The following ARHGEF1 variants were observed in gnomAD, a reference collection of about 807,000 sequenced individuals.
The protein encoded by ARHGEF1 is Rho guanine nucleotide exchange factor 1, also known as 115 kDa guanine nucleotide exchange factor.
A neutral mutation model predicts 119.7 loss-of-function variants in ARHGEF1; 40 were observed. The ratio of observed to expected loss-of-function variants is 0.33; its 90% CI spans 0.26 to 0.44. The LOEUF is 0.44. ARHGEF1 is among the 20% of genes least tolerant of loss of function. The pLI, the probability that ARHGEF1 is intolerant of heterozygous loss-of-function variation, is 1.00. For synonymous variants in ARHGEF1, 494 were observed against 521.0 expected (o/e 0.95, Z 0.71); for missense variants, 976 against 1,268.3 (o/e 0.77, Z 3.50).
downstream of ARHGEF1, among the ~76,000 whole-genome samples, chr19:41,912,089 A>C (rs10417495): frequency 0.23 from 34,247 of 152,012 alleles, 11,011 homozygotes; most frequent in African/African-American, 0.71. Flanking sequence ...GCACAGTCGG[A>C]GAGCTGGCAG....
chr19:41,926,323 G>C (rs1328848485), intron 1 of ARHGEF1, among the ~76,000 whole-genome samples: 3 of 152,110 alleles, frequency 2.0e-5, no homozygotes, highest in Non-Finnish European at 4.4e-5. Context: ...GGCAGATGAA[G>C]GGAACAGGTA....
At chr19:41,921,259 G>C (rs2074840664), upstream of ARHGEF1, among the ~76,000 whole-genome samples, 1 of 152,142 alleles carries the variant, frequency 6.6e-6, no homozygotes, top group Admixed American at 6.5e-5. This position sits in a 1 kb window ranked among gnomAD's most constrained non-coding sequence, Gnocchi z 4.4. Flanking sequence ...GGGGTGGGGG[G>C]CACAGAGAAG....
rs1365913660 is a variant in ARHGEF1, at chr19:41,888,097, C to T, written c.15C>T (p.Ala5=). The T allele has an allele frequency of 3.1e-6, 5 of 1,613,632 alleles. No homozygotes were observed. The highest frequency in any genetic ancestry group is 3.4e-6 in the Non-Finnish European group (4 of 1,179,978). MEDF[A]RGAASPGPSR... Reference sequence around the variant, plus strand: ...AGCCCAGGGAGATGGAAGACTTCGCCCGAGGGGCGGTGAGTGGACAGAGCA... The same window carrying T: ...AGCCCAGGGAGATGGAAGACTTCGCTCGAGGGGCGGTGAGTGGACAGAGCA... Residue 5 remains alanine (A), a synonymous_variant, in exon 2 of 29, where the codon GCC becomes GCT. Transcript: ENST00000354532. This position sits in a 1 kb window ranked among gnomAD's most constrained non-coding sequence, Gnocchi z 5.1.
chr19:41,885,746 C>T (rs1309172114), intron 1 of ARHGEF1, among the ~76,000 whole-genome samples: 1 of 151,940 alleles, frequency 6.6e-6, no homozygotes, highest in East Asian at 1.9e-4. Flanking sequence ...AGGCGAGAGC[C>T]ACCGTGCCTA....
chr19:41,895,280 T>C (rs2074463964), intron 11 of ARHGEF1, 69 bp from the exon 12 acceptor site: 1 of 1,534,820 alleles, frequency 6.5e-7, no homozygotes, highest in Admixed American at 1.8e-5. Flanking sequence ...GCCTCTTGCA[T>C]CCCCTGGCGG....
Position 41,902,519 on chromosome 19 carries a change from G to A in ARHGEF1, c.1498-14G>A. The A allele has an allele frequency of 6.2e-7, 1 of 1,613,936 alleles. No individual in the cohort carries two copies. Among genetic ancestry groups the A allele is most frequent in the Non-Finnish European group, 8.5e-7 (1 of 1,180,030 alleles). On this transcript the variant is annotated splice_polypyrimidine_tract_variant and intron_variant, in intron 16 of 28. Coordinates refer to ENST00000354532, the MANE Select transcript of ARHGEF1 (RefSeq NM_004706.4). This position sits in a 1 kb window ranked among gnomAD's most constrained non-coding sequence, Gnocchi z 6.5. The stretch of plus-strand genomic sequence containing the variant: ...CCCCACTGAGACACCTGCCTGGCCT[G>A]AATCTCGCTGTAGTTTGATGGTGCT...
At chr19:41,908,693 T>C (rs1023182952), downstream of ARHGEF1, 1 of 1,223,388 alleles carries the variant, frequency 8.2e-7, no homozygotes, top group Admixed American at 4.2e-5. This position sits in a 1 kb window ranked among gnomAD's most constrained non-coding sequence, Gnocchi z 6.7. Flanking sequence ...GGCACAGGGG[T>C]AGGTCAGGCT....
Position 41,902,960 on chromosome 19 carries a change from C to A in ARHGEF1, c.1738+62C>A. On this transcript the variant is annotated intron_variant, in intron 18 of 28. Transcript: ENST00000354532. The surrounding 1 kb of genome is among the most constrained non-coding windows in gnomAD (Gnocchi z 6.5). Reference sequence around the variant, plus strand: ...TCTTTTTTTTTTACATTTTTTTTCTCACTCATTTTCATCAGTGATACCATC... The same window carrying A: ...TCTTTTTTTTTTACATTTTTTTTCTAACTCATTTTCATCAGTGATACCATC... 7.4e-7 allele frequency: 1 copy of A among 1,355,992 alleles called. No individual in the cohort carries two copies. The highest frequency in any genetic ancestry group is 1.0e-6 in the Non-Finnish European group (1 of 1,002,672). 84.0% of individuals were successfully genotyped at this position (1,355,992 alleles called of 1,614,324 possible). A position where few individuals can be genotyped will look rare whatever the true frequency, so the allele number is the denominator to read the frequency against.
chr19:41,907,359 G>T lies in ARHGEF1; in HGVS notation c.*272G>T, dbSNP rs539213583. 13 of 1,534,896 alleles carry T rather than the reference G, an allele frequency of 8.5e-6. No homozygotes were observed. Among genetic ancestry groups the T allele is most frequent in the Middle Eastern group, 1.7e-4 (1 of 5,966 alleles). ...CGGGCCATCTCAGTATTGCCTGTGG[G>T]GGCCACCCCTCCACCCCCACCCCCA... On this transcript the variant is annotated 3_prime_UTR_variant, in exon 29 of 29. Coordinates refer to ENST00000354532, the MANE Select transcript of ARHGEF1 (RefSeq NM_004706.4).
At chr19:41,898,677 G>GGT in intron 14 of ARHGEF1, 90 bp downstream of exon 14, 6 of 1,442,686 alleles carry the variant, frequency 4.2e-6, no homozygotes, top group Non-Finnish European at 5.5e-6. Context: ...TGTTCATCTT[G>GGT]GTGTCATTTA....
rs1294679693 is a variant in ARHGEF1 at position 41,913,292 on chromosome 19, C to G, written c.1865+6489C>G. 4.0e-5 allele frequency among the ~76,000 whole-genome samples: 6 copies of G among 151,302 alleles called. 1 individual carries two copies. The South Asian group carries it at 1.3e-3, about 32-fold the overall frequency. ...GCCCGCCCGCCCGCCGCTCGCGCCC[C>G]GCACCGTCTCTGCTGCCGTCTCCCG... On this transcript the variant is annotated intron_variant, in intron 18 of 20. Transcript: ENST00000599589.
At chr19:41,884,387 C>G (rs2074261403) in intron 1 of ARHGEF1, 3 of 1,575,502 alleles carry the variant, frequency 1.9e-6, no homozygotes, top group East Asian at 2.3e-5. Context: ...AAGGTGGACT[C>G]AGGGCGGCTA....
upstream of ARHGEF1, among the ~76,000 whole-genome samples, chr19:41,920,919 C>CTCTCTG (rs1555852428): frequency 6.6e-6 from 1 of 152,160 alleles, no homozygotes; most frequent in Non-Finnish European, 1.5e-5. Context: ...CTGTCTCTCC[C>CTCTCTG]TCTCTGTCTC....
At chr19:41,912,974 G>T in intron 18 of ARHGEF1, 1 of 963,448 alleles carries the variant, frequency 1.0e-6, no homozygotes, top group Non-Finnish European at 1.3e-6. Flanking sequence ...GGGTGGGCAG[G>T]AGAGACAGAC....
In ARHGEF1 at chr19:41,888,361, T is replaced by C; in HGVS notation, c.111+83T>C. 7.2e-7 allele frequency: 1 copy of C among 1,392,524 alleles called. No individual in the cohort carries two copies. The highest frequency in any genetic ancestry group is 1.0e-6 in the Non-Finnish European group (1 of 997,862). 86.3% of individuals were successfully genotyped at this position (1,392,524 alleles called of 1,614,324 possible). ...CCCCTCCCACCTGCAGATGCTGTCT[T>C]CTTGGCCTTTTCCCACGGTCTGTCT... is the stretch of plus-strand genomic sequence containing the variant. On this transcript the variant is annotated intron_variant, in intron 3 of 28. Coordinates refer to ENST00000354532, the MANE Select transcript of ARHGEF1 (RefSeq NM_004706.4). The surrounding 1 kb of genome is among the most constrained non-coding windows in gnomAD (Gnocchi z 5.1).
chr19:41,910,131 A>G, downstream of ARHGEF1: 1 of 1,587,290 alleles, frequency 6.3e-7, no homozygotes, highest in Non-Finnish European at 8.6e-7. The surrounding 1 kb of genome is among the most constrained non-coding windows in gnomAD (Gnocchi z 4.4). Context: ...GCCTGGGGTC[A>G]GGATGCCAAG....
In ARHGEF1 at chr19:41,917,044, C is replaced by T. The variant is rs1555852021; in HGVS notation, c.1866-6048C>T. Among the ~76,000 whole-genome samples the T allele has an allele frequency of 6.6e-6, 1 of 152,166 alleles. No individual in the cohort carries two copies. Among genetic ancestry groups the T allele is most frequent in the Non-Finnish European group, 1.5e-5 (1 of 68,002 alleles). Reference sequence around the variant, plus strand: ...TGTGTGTGCACATATGTGACACGTGCCCTTGTCTCAGACCTGCTTCTGTGA... The same window carrying T: ...TGTGTGTGCACATATGTGACACGTGTCCTTGTCTCAGACCTGCTTCTGTGA... On this transcript the variant is annotated intron_variant, in intron 18 of 20. Transcript: ENST00000599589. This position sits in a 1 kb window ranked among gnomAD's most constrained non-coding sequence, Gnocchi z 4.8.
At chr19:41,909,997 C>T, downstream of ARHGEF1, 2 of 1,613,792 alleles carry the variant, frequency 1.2e-6, no homozygotes, top group Non-Finnish European at 1.7e-6. The surrounding 1 kb of genome is among the most constrained non-coding windows in gnomAD (Gnocchi z 5.2). Context: ...CGCCCTGGTA[C>T]TCCTCCTTCT....
chr19:41,902,760 G>A lies in ARHGEF1; in HGVS notation c.1624-24G>A, dbSNP rs374276728. On this transcript the variant is annotated intron_variant, in intron 17 of 28. Coordinates refer to ENST00000354532, the MANE Select transcript of ARHGEF1 (RefSeq NM_004706.4). The surrounding 1 kb of genome is among the most constrained non-coding windows in gnomAD (Gnocchi z 6.5). Reference sequence around the variant, plus strand: ...GGGTGAGCCCAAAGCCTGGGCCATCGCAACACCAGCATGTTTCCCGCAGGA... The same window carrying A: ...GGGTGAGCCCAAAGCCTGGGCCATCACAACACCAGCATGTTTCCCGCAGGA... 2.4e-5 allele frequency: 39 copies of A among 1,613,034 alleles called. No homozygotes were observed. In the African/African-American group the frequency reaches 2.9e-4, roughly 12 times the overall value.
Sources: gnomAD v4.1 joint callset for allele counts (sites outside exome capture counted in the v4.1 genomes callset) on GRCh38, gnomAD v4.1.1 for gene constraint, Gnocchi (gnomAD v3.1) non-coding constraint, MANE v1.5 for transcripts, NCBI Gene and HGNC (gene_info 2026-07-23, HGNC 2026-07-21) for gene names.